POMZP3: variants seen among roughly 807,000 people sequenced by gnomAD.
The protein encoded by POMZP3 is POM121 and ZP3 fusion protein.
POMZP3 carries 10 observed loss-of-function variants against 19.8 expected under a neutral mutation model. That is an observed-to-expected ratio of 0.51 (90% CI 0.31 to 0.86). The LOEUF is 0.86. Ranked by LOEUF, POMZP3 falls within the 40% of genes least tolerant of loss-of-function variation. The probability of loss-of-function intolerance (pLI) is 0.04; values close to 1 mark genes in which losing one functional copy is unlikely to be tolerated. For missense variants in POMZP3, 152 were observed against 228.1 expected, an observed-to-expected ratio of 0.67 and a Z score of 2.15; for synonymous variants, 57 against 85.8, an observed-to-expected ratio of 0.66 and a Z score of 1.85.
At chr7:76,625,281 T>C (rs565669671) in intron 3 of POMZP3, among the ~76,000 whole-genome samples, 142 of 150,914 alleles carry the variant, frequency 9.4e-4, no homozygotes, top group Non-Finnish European at 1.6e-3. Context: ...ACATGGCTAA[T>C]AGCTGTCAGC....
chr7:76,623,690 C>G (rs1014359815), intron 3 of POMZP3, among the ~76,000 whole-genome samples: 2 of 149,900 alleles, frequency 1.3e-5, no homozygotes, highest in African/African-American at 4.9e-5. Context: ...ATCCCAGCTA[C>G]TCAGCAGGCT....
At chr7:76,623,826 GAGAA>G (rs1487962607) in intron 3 of POMZP3, among the ~76,000 whole-genome samples, 6 of 152,112 alleles carry the variant, frequency 3.9e-5, no homozygotes, top group South Asian at 4.2e-4. Context: ...GAGAGAGAGA[GAGAA>G]AGAAAAGCAA....
In POMZP3 at chr7:76,611,535, C is replaced by G. The variant is rs371703975; in HGVS notation, c.494G>C (p.Cys165Ser). ...DICQCCNKGDCGTPSHSRRQP... is the reference protein window; with the variant it reads ...DICQCCNKGDSGTPSHSRRQP... The stretch of plus-strand genomic sequence containing the variant: ...CCTCCTGGAATGGCTTGGAGTGCCA[C>G]AGTCACCTTTGTTACAGCATTGACA... Residue 165 changes from cysteine to serine, a missense_variant, in exon 6 of 7, where the codon TGT becomes TCT. Transcript: ENST00000310842. The G allele has an allele frequency of 3.5e-5, 56 of 1,605,162 alleles. No homozygotes were observed. The highest frequency in any genetic ancestry group is 4.6e-5 in the Non-Finnish European group (54 of 1,172,738).
chr7:76,624,960 G>A (rs1815788714), intron 3 of POMZP3, among the ~76,000 whole-genome samples: 1 of 151,020 alleles, frequency 6.6e-6, no homozygotes, highest in Non-Finnish European at 1.5e-5. Flanking sequence ...GTGAAACCCT[G>A]TCTCTACTAA....
At chr7:76,623,804 A>C (rs1049180557) in intron 3 of POMZP3, among the ~76,000 whole-genome samples, 1 of 151,858 alleles carries the variant, frequency 6.6e-6, no homozygotes, top group Non-Finnish European at 1.5e-5. Context: ...TCCGCCTCCA[A>C]AAAAAAAGAA....
chr7:76,625,714 G>C (rs1563806780), intron 2 of POMZP3, 31 bp from the exon 3 acceptor site: 10 of 1,605,768 alleles, frequency 6.2e-6, no homozygotes, highest in Non-Finnish European at 8.5e-6. Context: ...CTAGCAGTAA[G>C]ATATTTTAAT....
At chr7:76,623,030 G>A (rs1278628075) in intron 3 of POMZP3, among the ~76,000 whole-genome samples, 4 of 151,574 alleles carry the variant, frequency 2.6e-5, no homozygotes, top group Non-Finnish European at 4.4e-5. Context: ...CACCATGCCT[G>A]GCTAATTTTC....
chr7:76,620,910 C>G (rs1815523300), intron 3 of POMZP3, among the ~76,000 whole-genome samples: 1 of 133,148 alleles, frequency 7.5e-6, no homozygotes, highest in African/African-American at 2.9e-5. Context: ...TCTGTGTCGC[C>G]AAGGCTGGAG....
At chr7:76,621,568 G>A (rs1384949141) in intron 3 of POMZP3, among the ~76,000 whole-genome samples, 1 of 151,792 alleles carries the variant, frequency 6.6e-6, no homozygotes, top group Non-Finnish European at 1.5e-5. Context: ...ATTCCCAGAT[G>A]GTTAAGGCAT....
chr7:76,621,648 G>T (rs1056401313), intron 3 of POMZP3, among the ~76,000 whole-genome samples: 1 of 151,642 alleles, frequency 6.6e-6, no homozygotes, highest in Non-Finnish European at 1.5e-5. Context: ...GATAAAACAG[G>T]TTGCAGTGAT....
At chr7:76,611,408 C>T (rs1815091829) in intron 6 of POMZP3, 46 bp downstream of exon 6, 2 of 1,506,072 alleles carry the variant, frequency 1.3e-6, no homozygotes, top group Non-Finnish European at 8.9e-7. Flanking sequence ...GTACCCTCAA[C>T]TGAGTAAGGG....
chr7:76,622,189 A>T (rs991952572), intron 3 of POMZP3, among the ~76,000 whole-genome samples: 3 of 150,618 alleles, frequency 2.0e-5, no homozygotes, highest in African/African-American at 7.3e-5. Context: ...AATCATAAAA[A>T]TGGGTAACCA....
chr7:76,627,206 G>A lies in POMZP3; in HGVS notation c.-650C>T, dbSNP rs558389190. 17 of 1,434,512 alleles carry A rather than the reference G, an allele frequency of 1.2e-5. 4 individuals carry two copies. In the South Asian group the frequency reaches 1.8e-4, roughly 15 times the overall value. 88.9% of individuals were successfully genotyped at this position (1,434,512 alleles called of 1,614,324 possible). A position where few individuals can be genotyped will look rare whatever the true frequency, so the allele number is the denominator to read the frequency against. On this transcript the variant is annotated 5_prime_UTR_variant, in exon 1 of 7. Coordinates refer to ENST00000310842, the MANE Select transcript of POMZP3 (RefSeq NM_012230.5). ...CCGGCCGGCCCTGACACTCGCTATC[G>A]GCCGCCGCCGCTCGCCTGCTCCAGC...
intron 3 of POMZP3, among the ~76,000 whole-genome samples, chr7:76,622,738 T>C (rs1329962019): frequency 1.3e-5 from 2 of 151,834 alleles, no homozygotes; most frequent in Admixed American, 6.6e-5. Context: ...TGCAGTGATA[T>C]GATCACGGCT....
At chr7:76,622,872 C>CA (rs1815645312) in intron 3 of POMZP3, among the ~76,000 whole-genome samples, 1 of 147,350 alleles carries the variant, frequency 6.8e-6, no homozygotes, top group Non-Finnish European at 1.5e-5. Context: ...ATCTAAATTC[C>CA]TTTTTTTTTT....
intron 3 of POMZP3, among the ~76,000 whole-genome samples, chr7:76,619,610 T>G (rs1207866302): frequency 6.7e-6 from 1 of 148,582 alleles, no homozygotes; most frequent in African/African-American, 2.5e-5. Flanking sequence ...TTTTTGGAAC[T>G]CCTCAAAGGC....
rs1815204430 is a variant in POMZP3, at chr7:76,613,901, T to C, written c.346-2088A>G. Among the ~76,000 whole-genome samples the C allele has an allele frequency of 2.3e-5, 2 of 85,800 alleles. 1 individual carries two copies. Among genetic ancestry groups the C allele is most frequent in the South Asian group, 7.7e-4 (2 of 2,594 alleles). The allele number at this position is 85,800 out of a possible 152,430, so 56.3% of individuals were successfully genotyped here. A position where few individuals can be genotyped will look rare whatever the true frequency, so the allele number is the denominator to read the frequency against. ...CCGTCCCCAGGTCAGTTTCCCTTCATATTTCAGGCAGGGCTAAAATTCCTC... is the reference window on the plus strand; with the variant it reads ...CCGTCCCCAGGTCAGTTTCCCTTCACATTTCAGGCAGGGCTAAAATTCCTC... On this transcript the variant is annotated intron_variant, in intron 4 of 6. Transcript: ENST00000310842.
At position 76,627,180 on chromosome 7, in the gene POMZP3, C is replaced by G; in HGVS notation, c.-624G>C. On this transcript the variant is annotated 5_prime_UTR_variant, in exon 1 of 7. Transcript: ENST00000310842. Reference sequence around the variant, plus strand: ...CCAGCGACAGGCCGAGAAGCGCCGCCCCGGCCGGCCCTGACACTCGCTATC... The same window carrying G: ...CCAGCGACAGGCCGAGAAGCGCCGCGCCGGCCGGCCCTGACACTCGCTATC... 1 of 1,442,868 alleles carries G rather than the reference C, an allele frequency of 6.9e-7. No homozygotes were observed. The highest frequency in any genetic ancestry group is 9.2e-7 in the Non-Finnish European group (1 of 1,086,540). The allele number at this position is 1,442,868 out of a possible 1,614,324, so 89.4% of individuals were successfully genotyped here. A position where few individuals can be genotyped will look rare whatever the true frequency, so the allele number is the denominator to read the frequency against.
intron 4 of POMZP3, among the ~76,000 whole-genome samples, chr7:76,614,564 C>CA (rs749162077): frequency 0.041 from 1,945 of 47,824 alleles, 418 homozygotes; most frequent in South Asian, 0.096. Flanking sequence ...CCATTTCCCC[C>CA]AAAAAAAAAA....
Sources: gnomAD v4.1 joint callset for allele counts (sites outside exome capture counted in the v4.1 genomes callset) on GRCh38, gnomAD v4.1.1 for gene constraint, MANE v1.5 for transcripts, NCBI Gene and HGNC (gene_info 2026-07-23, HGNC 2026-07-21) for gene names.